Variants in PCDH15 observed in about 807,000 individuals in gnomAD.
PCDH15 encodes the protein protocadherin-15.
PCDH15 carries 129 observed loss-of-function variants against 178.5 expected under a neutral mutation model. The ratio of observed to expected loss-of-function variants is 0.72; its 90% confidence interval spans 0.63 to 0.84. PCDH15 has a LOEUF of 0.84. Among genes scored for constraint, PCDH15 ranks in the 40% least tolerant of loss-of-function variants. The probability of loss-of-function intolerance (pLI) is 0.00; values close to 1 mark genes in which losing one functional copy is unlikely to be tolerated. For missense variants in PCDH15, 2,230 were observed against 2,099.9 expected, an observed-to-expected ratio of 1.06 and a Z score of -1.21; for synonymous variants, 800 against 732.0, an observed-to-expected ratio of 1.09 and a Z score of -1.50.
chr10:55,349,364 T>A (rs944994497), intron 2 of PCDH15, among the ~76,000 whole-genome samples: 2 of 152,198 alleles, frequency 1.3e-5, no homozygotes, highest in Admixed American at 6.6e-5. Context: ...ATAGTTTTCA[T>A]GTATTTTTTC....
chr10:54,991,747 C>G (rs1356040292), intron 2 of PCDH15, among the ~76,000 whole-genome samples: 1 of 152,162 alleles, frequency 6.6e-6, no homozygotes, highest in Non-Finnish European at 1.5e-5. Context: ...TTTAAAATCA[C>G]TCGACTTATT....
chr10:54,664,909 T>TAAA (rs759609948), intron 1 of PCDH15, among the ~76,000 whole-genome samples: 1 of 126,334 alleles, frequency 7.9e-6, no homozygotes, highest in Non-Finnish European at 1.7e-5. Context: ...CCCAGCAAGT[T>TAAA]AAAAAAAAAA....
chr10:53,950,568 A>T (rs2086940453), intron 23 of PCDH15, among the ~76,000 whole-genome samples: 1 of 152,218 alleles, frequency 6.6e-6, no homozygotes, highest in Non-Finnish European at 1.5e-5. Context: ...ATTCACATTT[A>T]GACTCTATGA....
At position 54,529,901 on chromosome 10, in the gene PCDH15, TAC is replaced by T. The variant is rs200488565; in HGVS notation, c.92-2026_92-2025del. The stretch of plus-strand genomic sequence containing the variant: ...TGTAAGGTATGCACTCTCTCATATG[TAC>T]ACACACACACATATACACACACTCA... On this transcript the variant is annotated intron_variant, in intron 2 of 37. Transcript: ENST00000644397. Among the ~76,000 whole-genome samples the T allele has an allele frequency of 5.0e-4, 76 of 151,706 alleles. 2 individuals carry two copies. Among genetic ancestry groups the T allele is most frequent in the Admixed American group, 4.9e-3 (74 of 15,184 alleles).
intron 2 of PCDH15, among the ~76,000 whole-genome samples, chr10:54,651,471 G>A (rs768518426): frequency 6.6e-6 from 1 of 152,160 alleles, no homozygotes; most frequent in African/African-American, 2.4e-5. Context: ...ATAGCTGAAA[G>A]ACAGAAGCTG....
At chr10:53,857,674 A>T (rs1039253896) in intron 27 of PCDH15, among the ~76,000 whole-genome samples, 41 of 152,130 alleles carry the variant, frequency 2.7e-4, no homozygotes, top group African/African-American at 8.9e-4. Flanking sequence ...TAAGAATCTG[A>T]GATATGACTG....
At chr10:54,095,035 A>C (rs2094675289) in intron 15 of PCDH15, among the ~76,000 whole-genome samples, 1 of 152,212 alleles carries the variant, frequency 6.6e-6, no homozygotes, top group African/African-American at 2.4e-5. Flanking sequence ...GATAGAGTGC[A>C]TTTTATGTGC....
chr10:55,417,362 G>A (rs1210847720), intron 2 of PCDH15, among the ~76,000 whole-genome samples: 1 of 151,596 alleles, frequency 6.6e-6, no homozygotes, highest in Non-Finnish European at 1.5e-5. Context: ...GGGACTGAAG[G>A]TAGGAAAATT....
At chr10:54,240,082 A>T (rs987284488) in intron 8 of PCDH15, among the ~76,000 whole-genome samples, 1 of 152,152 alleles carries the variant, frequency 6.6e-6, no homozygotes, top group Non-Finnish European at 1.5e-5. Flanking sequence ...AACATAAATA[A>T]CATGCATTAT....
intron 1 of PCDH15, among the ~76,000 whole-genome samples, chr10:55,205,120 C>T (rs920899913): frequency 6.6e-6 from 1 of 151,724 alleles, no homozygotes; most frequent in East Asian, 1.9e-4. Flanking sequence ...AGTATAGTTT[C>T]AAGAATTAGT....
chr10:55,252,522 C>G (rs1841865924), intron 1 of PCDH15, among the ~76,000 whole-genome samples: 1 of 152,070 alleles, frequency 6.6e-6, no homozygotes, highest in Non-Finnish European at 1.5e-5. Flanking sequence ...ATATTTTCAT[C>G]TATCCTTAGA....
intron 3 of PCDH15, among the ~76,000 whole-genome samples, chr10:54,859,996 T>G (rs1423451596): frequency 6.6e-6 from 1 of 152,044 alleles, no homozygotes; most frequent in African/African-American, 2.4e-5. Context: ...AGACTTACCA[T>G]GCAACTCCAG....
chr10:55,249,147 G>A (rs1430638157), intron 1 of PCDH15, among the ~76,000 whole-genome samples: 1 of 152,078 alleles, frequency 6.6e-6, no homozygotes, highest in East Asian at 1.9e-4. Context: ...ACTTTATAGA[G>A]GCGACATAGT....
chr10:54,380,689 C>T (rs1304892882), intron 3 of PCDH15, among the ~76,000 whole-genome samples: 1 of 69,638 alleles, frequency 1.4e-5, no homozygotes, highest in African/African-American at 6.2e-5. Flanking sequence ...TATATATGCT[C>T]CATATATATA....
At chr10:54,122,270 A>G (rs905922814) in intron 15 of PCDH15, among the ~76,000 whole-genome samples, 1 of 152,066 alleles carries the variant, frequency 6.6e-6, no homozygotes, top group Admixed American at 6.6e-5. Context: ...CTAAAACCAT[A>G]TGATCACCTC....
intron 3 of PCDH15, among the ~76,000 whole-genome samples, chr10:54,491,424 G>GTT (rs2079582498): frequency 1.3e-5 from 2 of 151,458 alleles, no homozygotes; most frequent in African/African-American, 4.9e-5. Context: ...GCTTTTTCAA[G>GTT]TATCTAAGTT....
At chr10:55,514,211 TA>T (rs1406858480) in intron 2 of PCDH15, among the ~76,000 whole-genome samples, 10 of 152,154 alleles carry the variant, frequency 6.6e-5, no homozygotes, top group Non-Finnish European at 1.2e-4. Context: ...TGCATGATGT[TA>T]CAAAGTCATT....
chr10:54,316,288 C>T (rs1341011717), intron 8 of PCDH15, among the ~76,000 whole-genome samples: 7 of 151,988 alleles, frequency 4.6e-5, no homozygotes, highest in Non-Finnish European at 7.4e-5. Flanking sequence ...TGGATAAGCA[C>T]TCTGGCTTTA....
intron 8 of PCDH15, among the ~76,000 whole-genome samples, chr10:54,296,868 G>T (rs914027425): frequency 1.6e-4 from 25 of 152,200 alleles, no homozygotes; most frequent in African/African-American, 4.8e-4. Context: ...CATTTTTGGG[G>T]CATAACATCT....
Sources: allele counts gnomAD v4.1 joint callset (sites outside exome capture counted in the v4.1 genomes callset), GRCh38; gene constraint gnomAD v4.1.1; transcripts MANE v1.5; gene names NCBI Gene and HGNC (gene_info 2026-07-23, HGNC 2026-07-21).